Variants in ABCB1 observed in about 807,000 individuals in gnomAD.
ABCB1 encodes the protein ATP-dependent translocase ABCB1.
ABCB1 carries 69 observed loss-of-function variants against 142.0 expected under a neutral mutation model. The observed-to-expected ratio is 0.49, with a 90% CI of 0.40 to 0.59. The LOEUF is 0.59. Ranked by LOEUF, ABCB1 falls within the 20% of genes least tolerant of loss-of-function variation. ABCB1 has a pLI of 0.00. For synonymous variants in ABCB1, 532 were observed against 539.2 expected (o/e 0.99, Z 0.18); for missense variants, 1,326 against 1,554.7 (o/e 0.85, Z 2.47).
intron 1 of ABCB1, among the ~76,000 whole-genome samples, chr7:87,705,150 C>A (rs888885326): frequency 6.6e-6 from 1 of 151,996 alleles, no homozygotes; most frequent in Non-Finnish European, 1.5e-5. Context: ...ATGGGCCAGG[C>A]GTGGTGGCTC....
At chr7:87,690,532 A>G (rs1827910418) in intron 1 of ABCB1, among the ~76,000 whole-genome samples, 1 of 152,174 alleles carries the variant, frequency 6.6e-6, no homozygotes, top group South Asian at 2.1e-4. Flanking sequence ...AGCTTAAGAA[A>G]AGTTATATAT....
chr7:87,611,518 C>T (rs1015242139), intron 1 of ABCB1, among the ~76,000 whole-genome samples: 3 of 151,958 alleles, frequency 2.0e-5, no homozygotes, highest in African/African-American at 7.2e-5. Flanking sequence ...ATAATGGCCT[C>T]CAGCTGCATC....
At chr7:87,700,698 A>G (rs1368816003) in intron 1 of ABCB1, 1 of 693,886 alleles carries the variant, frequency 1.4e-6, no homozygotes, top group Admixed American at 3.1e-5. Flanking sequence ...ATGTTTCTAC[A>G]TTTCTTGAAT....
Position 87,652,643 on chromosome 7 carries a change from T to TATAC in ABCB1, c.-330-51566_-330-51565insGTAT, listed in dbSNP as rs1376467456. Among the ~76,000 whole-genome samples, 6 of 148,752 alleles carry TATAC rather than the reference T, an allele frequency of 4.0e-5. No individual in the cohort carries two copies. The East Asian group carries it at 7.8e-4, about 19-fold the overall frequency. ...ACTGATATATATATATATATATATATATAGTAGGAAGTATGAAATAATCTG... is the reference window on the plus strand; with the variant it reads ...ACTGATATATATATATATATATATATATACATAGTAGGAAGTATGAAATAATCTG... On this transcript the variant is annotated intron_variant, in intron 1 of 28. Transcript: ENST00000265724.
intron 4 of ABCB1, among the ~76,000 whole-genome samples, chr7:87,581,081 G>A (rs1818486836): frequency 6.6e-6 from 1 of 151,876 alleles, no homozygotes; most frequent in Non-Finnish European, 1.5e-5. Flanking sequence ...CTTTTGTTTG[G>A]CTATCTTGTT....
At chr7:87,509,707 A>C (rs1814920756) in intron 25 of ABCB1, among the ~76,000 whole-genome samples, 2 of 152,214 alleles carry the variant, frequency 1.3e-5, no homozygotes, top group African/African-American at 4.8e-5. Flanking sequence ...TGATGTATGC[A>C]TGTGGTAGGC....
chr7:87,555,283 G>C (rs1817258402), intron 8 of ABCB1, among the ~76,000 whole-genome samples: 1 of 152,300 alleles, frequency 6.6e-6, no homozygotes, highest in South Asian at 2.1e-4. Flanking sequence ...GCAGAACCTA[G>C]AGCATTGCCT....
chr7:87,506,803 G>A (rs1027312603), intron 26 of ABCB1, among the ~76,000 whole-genome samples: 7 of 152,166 alleles, frequency 4.6e-5, no homozygotes, highest in African/African-American at 1.7e-4. Context: ...TTTTAGTACA[G>A]GGTTGCCTAT....
At chr7:87,534,011 A>G (rs1816175260) in intron 20 of ABCB1, among the ~76,000 whole-genome samples, 1 of 152,226 alleles carries the variant, frequency 6.6e-6, no homozygotes, top group Non-Finnish European at 1.5e-5. Flanking sequence ...TGACCCCAGC[A>G]GGCAATTAGA....
In ABCB1 at chr7:87,708,143, GA is replaced by G. The variant is rs1472436248; in HGVS notation, c.-331+5017del. On this transcript the variant is annotated intron_variant, in intron 1 of 28. Coordinates refer to the ABCB1 transcript ENST00000265724. ...ACATTAAAGTCAAAGTAGAAGGAAA[GA>G]AATAACAGTAAAAATTCAATAAAAT... Among the ~76,000 whole-genome samples, 255 of 152,014 alleles carry G rather than the reference GA, an allele frequency of 1.7e-3. 4 individuals are homozygous for G. Among genetic ancestry groups the G allele is most frequent in the Non-Finnish European group, 1.2e-4 (8 of 67,950 alleles).
At chr7:87,699,120 C>G (rs2130685116) in intron 1 of ABCB1, among the ~76,000 whole-genome samples, 1 of 152,192 alleles carries the variant, frequency 6.6e-6, no homozygotes, top group South Asian at 2.1e-4. Context: ...TTATCTCAGA[C>G]ATTGGTCCTA....
At chr7:87,710,165 T>C (rs905625803) in intron 1 of ABCB1, among the ~76,000 whole-genome samples, 8 of 152,200 alleles carry the variant, frequency 5.3e-5, no homozygotes, top group African/African-American at 1.9e-4. Flanking sequence ...TTAGACTGAT[T>C]ATTTTCATTA....
At chr7:87,680,927 G>A (rs554614072) in intron 1 of ABCB1, among the ~76,000 whole-genome samples, 2 of 150,672 alleles carry the variant, frequency 1.3e-5, no homozygotes, top group East Asian at 4.0e-4. Context: ...AACAATAATT[G>A]GTGATATGAA....
intron 1 of ABCB1, among the ~76,000 whole-genome samples, chr7:87,673,613 G>A (rs899971055): frequency 4.6e-5 from 7 of 152,070 alleles, no homozygotes; most frequent in African/African-American, 7.2e-5. Context: ...TTCTGTATCC[G>A]TTTGTCATAT....
At chr7:87,580,847 T>C (rs1322159270) in intron 4 of ABCB1, among the ~76,000 whole-genome samples, 1 of 152,004 alleles carries the variant, frequency 6.6e-6, no homozygotes, top group East Asian at 1.9e-4. Context: ...CTGTGATTCA[T>C]TCTTCAGTAT....
intron 1 of ABCB1, among the ~76,000 whole-genome samples, chr7:87,691,862 T>C (rs147838121): frequency 4.3e-4 from 66 of 152,304 alleles, no homozygotes; most frequent in Admixed American, 4.3e-3. Flanking sequence ...GAAAACCGAT[T>C]GCTGGGTCTT....
chr7:87,582,346 G>A (rs1393043043), intron 4 of ABCB1, among the ~76,000 whole-genome samples: 1 of 152,114 alleles, frequency 6.6e-6, no homozygotes, highest in African/African-American at 2.4e-5. Flanking sequence ...ATGGAGTCAG[G>A]TGTCCTTTCT....
chr7:87,709,636 A>G (rs1035495079), intron 1 of ABCB1: 10 of 427,418 alleles, frequency 2.3e-5, no homozygotes, highest in Non-Finnish European at 2.8e-5. Flanking sequence ...TTCCTATCCC[A>G]TAGTTTGGTG....
At chr7:87,534,926 A>AC (rs1816216499) in intron 20 of ABCB1, among the ~76,000 whole-genome samples, 8 of 141,416 alleles carry the variant, frequency 5.7e-5, no homozygotes, top group African/African-American at 2.0e-4. Flanking sequence ...TTAAAAAAAA[A>AC]AAAAAAAAAA....
Sources: allele counts gnomAD v4.1 joint callset (sites outside exome capture counted in the v4.1 genomes callset), GRCh38; gene constraint gnomAD v4.1.1; transcripts MANE v1.5; gene names NCBI Gene and HGNC (gene_info 2026-07-23, HGNC 2026-07-21).